The following PCDH15 variants were observed in gnomAD, a reference collection of about 807,000 sequenced individuals.
PCDH15 encodes protocadherin related 15.
A neutral mutation model predicts 178.5 loss-of-function variants in PCDH15; 129 were observed. That is an observed-to-expected ratio of 0.72 (90% CI 0.63 to 0.84). PCDH15 has a LOEUF of 0.84. Ranked by LOEUF, PCDH15 falls within the 40% of genes least tolerant of loss-of-function variation. The pLI is 0.00. For synonymous variants in PCDH15, 800 were observed against 732.0 expected (o/e 1.09, Z -1.50); for missense variants, 2,230 against 2,099.9 (o/e 1.06, Z -1.21).
chr10:54,293,238 T>C (rs1266265142), intron 8 of PCDH15, among the ~76,000 whole-genome samples: 2 of 152,198 alleles, frequency 1.3e-5, no homozygotes, highest in Non-Finnish European at 2.9e-5. Flanking sequence ...ATTTAATAAA[T>C]GGTGCTAGGA....
chr10:54,925,397 T>G (rs1837592255), intron 2 of PCDH15, among the ~76,000 whole-genome samples: 1 of 150,018 alleles, frequency 6.7e-6, no homozygotes, highest in African/African-American at 2.5e-5. Context: ...AAATTTTTCT[T>G]TTTGCTTAGC....
In PCDH15 at chr10:54,543,074, T is replaced by C. The variant is rs1480252257; in HGVS notation, c.92-15197A>G. ...CACCCACTGGTGGAAGGAGGCGGAG[T>C]TTGGTCCGGGGAAGTTGGAGGAGAG... On this transcript the variant is annotated intron_variant, in intron 2 of 37. Coordinates refer to ENST00000644397, the MANE Select transcript of PCDH15 (RefSeq NM_001384140.1). 2.0e-4 allele frequency among the ~76,000 whole-genome samples: 30 copies of C among 151,674 alleles called. 1 individual carries two copies. Among genetic ancestry groups the C allele is most frequent in the Admixed American group, 1.8e-3 (28 of 15,236 alleles).
At chr10:54,640,568 C>T (rs571112153) in intron 2 of PCDH15, among the ~76,000 whole-genome samples, 1 of 152,078 alleles carries the variant, frequency 6.6e-6, no homozygotes, top group African/African-American at 2.4e-5. Flanking sequence ...TGAATAAGGA[C>T]ATTTACTGAA....
rs1417179446 is a variant in PCDH15, at chr10:55,035,640, T to C, written c.-80+130936A>G. On this transcript the variant is annotated intron_variant, in intron 2 of 5. Transcript: ENST00000458638. ...TAATTTTGCATTTTTAAAAATATTA[T>C]AGATACTTAGAAAAGGAGGATGCTC... 3.3e-5 allele frequency among the ~76,000 whole-genome samples: 5 copies of C among 152,314 alleles called. No individual in the cohort carries two copies. The South Asian group carries it at 6.2e-4, about 19-fold the overall frequency.
intron 2 of PCDH15, among the ~76,000 whole-genome samples, chr10:55,431,147 T>G (rs1838872523): frequency 6.6e-6 from 1 of 152,148 alleles, no homozygotes; most frequent in African/African-American, 2.4e-5. Flanking sequence ...TAAATTTCAA[T>G]TCAAAATGGA....
intron 2 of PCDH15, among the ~76,000 whole-genome samples, chr10:55,374,257 T>C (rs1845571130): frequency 6.6e-6 from 1 of 151,952 alleles, no homozygotes; most frequent in South Asian, 2.1e-4. Flanking sequence ...GGAGATTTGG[T>C]CTTTTGTTTT....
chr10:55,405,232 A>G (rs1348335165), intron 2 of PCDH15, among the ~76,000 whole-genome samples: 1 of 144,182 alleles, frequency 6.9e-6, no homozygotes. Flanking sequence ...CTATGCACAC[A>G]ATACCCACAT....
intron 3 of PCDH15, among the ~76,000 whole-genome samples, chr10:54,382,067 T>G (rs1423979225): frequency 6.6e-6 from 1 of 152,174 alleles, no homozygotes; most frequent in Non-Finnish European, 1.5e-5. Flanking sequence ...ACAATCGTGT[T>G]AAAAATATTA....
chr10:54,311,903 T>C (rs2060936909), intron 8 of PCDH15, among the ~76,000 whole-genome samples: 1 of 152,090 alleles, frequency 6.6e-6, no homozygotes, highest in South Asian at 2.1e-4. Context: ...ATTAATAGAC[T>C]ATATTTTTAA....
chr10:55,281,256 T>G (rs1438272880), intron 1 of PCDH15, among the ~76,000 whole-genome samples: 1 of 152,096 alleles, frequency 6.6e-6, no homozygotes, highest in Non-Finnish European at 1.5e-5. Context: ...GAAAAATAAT[T>G]TATAATCTGT....
At chr10:54,243,259 C>T (rs2055587858) in intron 8 of PCDH15, among the ~76,000 whole-genome samples, 1 of 152,166 alleles carries the variant, frequency 6.6e-6, no homozygotes. Context: ...CCTGTAATCC[C>T]AGCACTTTGG....
chr10:55,304,098 C>G (rs1843358444), intron 1 of PCDH15, among the ~76,000 whole-genome samples: 1 of 152,036 alleles, frequency 6.6e-6, no homozygotes, highest in Non-Finnish European at 1.5e-5. Flanking sequence ...TAGCTAGTAA[C>G]TGTGCAGCAA....
intron 18 of PCDH15, among the ~76,000 whole-genome samples, chr10:54,051,973 G>A (rs2093785643): frequency 6.6e-6 from 1 of 152,174 alleles, no homozygotes; most frequent in Non-Finnish European, 1.5e-5. Context: ...CCTAAGCCTT[G>A]GCCGCTTACA....
At chr10:55,165,198 C>T (rs117900642) in intron 2 of PCDH15, among the ~76,000 whole-genome samples, 1,884 of 151,816 alleles carry the variant, frequency 0.012, 21 homozygotes, top group Non-Finnish European at 0.02. Context: ...ACTCAACAAA[C>T]GATGAAATTA....
intron 1 of PCDH15, among the ~76,000 whole-genome samples, chr10:55,174,652 G>A (rs1839428847): frequency 6.6e-6 from 1 of 152,180 alleles, no homozygotes; most frequent in East Asian, 1.9e-4. Flanking sequence ...CAAGGGACAA[G>A]GGAAGCAAAT....
chr10:54,873,808 T>C (rs1042050889), intron 3 of PCDH15, among the ~76,000 whole-genome samples: 1 of 148,380 alleles, frequency 6.7e-6, no homozygotes, highest in African/African-American at 2.4e-5. Context: ...TTGGCTCTAC[T>C]GATATAAGAA....
chr10:55,169,984 A>AAAGGAAGG (rs10557432), intron 1 of PCDH15, among the ~76,000 whole-genome samples: 9 of 151,152 alleles, frequency 6.0e-5, no homozygotes, highest in South Asian at 2.1e-4. Context: ...CTGATAGAAT[A>AAAGGAAGG]AAGGAAGGAA....
intron 1 of PCDH15, among the ~76,000 whole-genome samples, chr10:54,727,119 C>A (rs1017280023): frequency 6.6e-6 from 1 of 151,288 alleles, no homozygotes; most frequent in Non-Finnish European, 1.5e-5. Flanking sequence ...CTATAGATTT[C>A]TCCAACAAAA....
At chr10:54,087,213 GT>G (rs139841941) in intron 16 of PCDH15, among the ~76,000 whole-genome samples, 29,760 of 151,960 alleles carry the variant, frequency 0.2, 3,162 homozygotes, top group Non-Finnish European at 0.25. Flanking sequence ...CAATTCAATG[GT>G]TTTTAGCATA....
Sources: allele counts gnomAD v4.1 joint callset (sites outside exome capture counted in the v4.1 genomes callset), GRCh38; gene constraint gnomAD v4.1.1; transcripts MANE v1.5; gene names NCBI Gene and HGNC (gene_info 2026-07-23, HGNC 2026-07-21).